Variants in UBP1 observed in about 807,000 individuals in gnomAD.
UBP1 encodes upstream binding protein 1, also known as upstream-binding protein 1.
A neutral mutation model predicts 76.1 loss-of-function variants in UBP1; 22 were observed. That is an observed-to-expected ratio of 0.29 (90% CI 0.21 to 0.41). UBP1 has a LOEUF of 0.41. UBP1 is among the 10% of genes least tolerant of loss of function. UBP1 has a pLI of 1.00. For missense variants in UBP1, 436 were observed against 668.1 expected (o/e 0.65, Z 3.83); for synonymous variants, 224 against 237.1 (o/e 0.94, Z 0.51).
At chr3:33,404,184 G>C (rs55951549) in intron 8 of UBP1, among the ~76,000 whole-genome samples, 38,984 of 152,086 alleles carry the variant, frequency 0.26, 5,890 homozygotes, top group East Asian at 0.47. Flanking sequence ...AGGCTGAGGT[G>C]GGTGGATCAT....
At chr3:33,401,714 CTGTT>C (rs1304059440) in intron 9 of UBP1, among the ~76,000 whole-genome samples, 2 of 152,202 alleles carry the variant, frequency 1.3e-5, no homozygotes, top group Admixed American at 6.5e-5. Context: ...GGGGGTCTGT[CTGTT>C]TGGGCACTAA....
chr3:33,419,788 T>G (rs1392563984), intron 2 of UBP1, among the ~76,000 whole-genome samples: 1 of 152,184 alleles, frequency 6.6e-6, no homozygotes, highest in Non-Finnish European at 1.5e-5. Flanking sequence ...CAATCCATAA[T>G]TTTTAATACC....
At chr3:33,408,894 G>T (rs2044499622) in intron 7 of UBP1, 97 bp from the exon 8 acceptor site, 5 of 1,111,426 alleles carry the variant, frequency 4.5e-6, no homozygotes, top group Non-Finnish European at 6.6e-6. Context: ...TTAAACAAAT[G>T]CATGACTAAC....
intron 2 of UBP1, among the ~76,000 whole-genome samples, chr3:33,417,943 T>A (rs915425262): frequency 2.2e-4 from 34 of 152,154 alleles, no homozygotes; most frequent in African/African-American, 7.7e-4. Context: ...AAACAGCATA[T>A]ATATAGTCTG....
intron 11 of UBP1, among the ~76,000 whole-genome samples, chr3:33,399,461 T>C (rs980234831): frequency 3.9e-5 from 6 of 152,130 alleles, no homozygotes; most frequent in Non-Finnish European, 8.8e-5. Context: ...ACTCAGACTA[T>C]GAAACACTAC....
chr3:33,396,037 TC>T lies in UBP1; in HGVS notation c.1390+124del. 4 of 790,086 alleles carry T rather than the reference TC, an allele frequency of 5.1e-6. No individual in the cohort carries two copies. The South Asian group carries it at 1.4e-4, about 27-fold the overall frequency. 48.9% of individuals were successfully genotyped at this position (790,086 alleles called of 1,614,324 possible). ...TGCCACCTCTCATTGCTGTCAAGGC[TC>T]CCACATGAGCAACTTGGCATTCCTA... On this transcript the variant is annotated intron_variant, in intron 13 of 15. Coordinates refer to ENST00000283629, the MANE Select transcript of UBP1 (RefSeq NM_014517.5).
intron 1 of UBP1, among the ~76,000 whole-genome samples, chr3:33,439,057 A>G (rs1025865828): frequency 6.6e-6 from 1 of 152,230 alleles, no homozygotes; most frequent in Non-Finnish European, 1.5e-5. Flanking sequence ...ATCTGTTTCA[A>G]TCTCTCCATA....
At chr3:33,402,055 T>A (rs2044250478) in intron 9 of UBP1, among the ~76,000 whole-genome samples, 1 of 152,240 alleles carries the variant, frequency 6.6e-6, no homozygotes, top group South Asian at 2.1e-4. Context: ...CTTGTCAGCA[T>A]GACCGGAGAA....
chr3:33,393,595 A>G (rs1575445898), intron 13 of UBP1, 141 bp from the exon 14 acceptor site: 1 of 714,162 alleles, frequency 1.4e-6, no homozygotes, highest in East Asian at 3.2e-5. Context: ...GGAATAAACT[A>G]TTTCTTTCCC....
rs574029826 is a variant in UBP1, at chr3:33,390,089, C to T, written c.*242G>A. On this transcript the variant is annotated 3_prime_UTR_variant, in exon 16 of 16. Coordinates refer to ENST00000283629, the MANE Select transcript of UBP1 (RefSeq NM_014517.5). ...GAGCAGCAGGCAGCTATGCCTGCAC[C>T]GTGGCCTCCAGAGCTGGATGCATGC... is the stretch of plus-strand genomic sequence containing the variant. 6.8e-4 allele frequency: 319 copies of T among 471,768 alleles called. 4 individuals carry two copies. In the Admixed American group the frequency reaches 0.011, roughly 17 times the overall value. 29.2% of individuals were successfully genotyped at this position (471,768 alleles called of 1,614,324 possible).
intron 12 of UBP1, chr3:33,396,632 C>A: frequency 2.5e-6 from 1 of 403,680 alleles, no homozygotes; most frequent in South Asian, 2.3e-5. Flanking sequence ...ATGGTTCTTA[C>A]AAGCCAGCAC....
At chr3:33,394,817 G>GTTTTTTT (rs76142927) in intron 13 of UBP1, among the ~76,000 whole-genome samples, 1 of 110,438 alleles carries the variant, frequency 9.1e-6, no homozygotes. Flanking sequence ...CCCTCCACTT[G>GTTTTTTT]TTTTTTTTTT....
Position 33,390,262 on chromosome 3 carries a change from G to C in UBP1, c.*69C>G. 6.9e-7 allele frequency: 1 copy of C among 1,455,536 alleles called. No individual in the cohort carries two copies. The highest frequency in any genetic ancestry group is 9.5e-7 in the Non-Finnish European group (1 of 1,048,136). The allele number at this position is 1,455,536 out of a possible 1,614,324, so 90.2% of individuals were successfully genotyped here. On this transcript the variant is annotated 3_prime_UTR_variant, in exon 16 of 16. Coordinates refer to ENST00000283629, the MANE Select transcript of UBP1 (RefSeq NM_014517.5). ...GTAAAATCCAATCCCAAGACTTCTT[G>C]GATTCAGTCTTCACACACTTTTAAG...
intron 8 of UBP1, among the ~76,000 whole-genome samples, chr3:33,406,753 G>C (rs566455071): frequency 1.2e-4 from 19 of 152,128 alleles, no homozygotes; most frequent in Non-Finnish European, 2.2e-4. Context: ...TTATGGTTTC[G>C]GTACACTGTG....
intron 3 of UBP1, among the ~76,000 whole-genome samples, chr3:33,413,627 T>C: frequency 6.6e-6 from 1 of 151,442 alleles, no homozygotes; most frequent in African/African-American, 2.4e-5. Context: ...GCCCGCTGCC[T>C]TGAAAAAGTG....
At chr3:33,428,003 G>A (rs1575489626) in intron 1 of UBP1, among the ~76,000 whole-genome samples, 2 of 152,018 alleles carry the variant, frequency 1.3e-5, no homozygotes, top group Middle Eastern at 3.2e-3. Flanking sequence ...CATGGCGGGG[G>A]AAACCCCGTC....
intron 9 of UBP1, 68 bp downstream of exon 9, chr3:33,402,733 A>C (rs1475824124): frequency 1.7e-6 from 2 of 1,156,994 alleles, no homozygotes; most frequent in Admixed American, 6.5e-5. Flanking sequence ...CTGTACATGG[A>C]GAGATGGGGA....
At chr3:33,406,601 A>G (rs1413755968) in intron 8 of UBP1, among the ~76,000 whole-genome samples, 2 of 152,228 alleles carry the variant, frequency 1.3e-5, no homozygotes, top group African/African-American at 4.8e-5. Context: ...ATGTAGAAAC[A>G]CCAAGTTTAC....
At chr3:33,402,968 G>A (rs923201611) in intron 8 of UBP1, 64 bp from the exon 9 acceptor site, 69 of 1,381,396 alleles carry the variant, frequency 5.0e-5, no homozygotes, top group Non-Finnish European at 6.3e-5. Flanking sequence ...AAATATTTTT[G>A]TAATTCACTC....
Sources: gnomAD v4.1 joint callset for allele counts (sites outside exome capture counted in the v4.1 genomes callset) on GRCh38, gnomAD v4.1.1 for gene constraint, MANE v1.5 for transcripts, NCBI Gene and HGNC (gene_info 2026-07-23, HGNC 2026-07-21) for gene names.